The following ZFAT variants were observed in gnomAD, a reference collection of about 807,000 sequenced individuals.
ZFAT encodes the protein zinc finger and AT-hook domain containing.
In ZFAT, 64 loss-of-function variants were observed where a neutral mutation model predicts 117.7. The ratio of observed to expected loss-of-function variants is 0.54; its 90% CI spans 0.44 to 0.67. ZFAT has a LOEUF of 0.67. Ranked by LOEUF, ZFAT falls within the 30% of genes least tolerant of loss-of-function variation. The pLI, the probability that ZFAT is intolerant of heterozygous loss-of-function variation, is 0.00. For synonymous variants in ZFAT, 679 were observed against 615.0 expected (o/e 1.10, Z -1.54); for missense variants, 1,433 against 1,584.5 (o/e 0.90, Z 1.62).
chr8:134,688,709 G>A (rs1168392212), intron 1 of ZFAT, among the ~76,000 whole-genome samples: 1 of 152,134 alleles, frequency 6.6e-6, no homozygotes, highest in Non-Finnish European at 1.5e-5. Context: ...TCCCACACAT[G>A]CCACCTTCGA....
At chr8:134,763,337 G>A in the ZFAT span, among the ~76,000 whole-genome samples, 1 of 152,002 alleles carries the variant, frequency 6.6e-6, no homozygotes, top group Non-Finnish European at 1.5e-5. Flanking sequence ...GTTCTTCTTG[G>A]AACAAGACAA....
chr8:134,721,773 T>TA, the ZFAT span, among the ~76,000 whole-genome samples: 1 of 152,174 alleles, frequency 6.6e-6, no homozygotes, highest in South Asian at 2.1e-4. Flanking sequence ...TCTTGTAACA[T>TA]ACTTGACTTC....
intron 13 of ZFAT, among the ~76,000 whole-genome samples, chr8:134,520,230 A>G (rs1820552589): frequency 6.6e-6 from 1 of 152,186 alleles, no homozygotes; most frequent in African/African-American, 2.4e-5. Flanking sequence ...AGAGGCCAGA[A>G]ATGCAGCTAA....
At chr8:134,720,721 A>G in the ZFAT span, among the ~76,000 whole-genome samples, 1 of 152,246 alleles carries the variant, frequency 6.6e-6, no homozygotes, top group African/African-American at 2.4e-5. Context: ...CCGAAGGCAA[A>G]TACTCTGTTC....
chr8:134,673,513 A>G (rs1224797569), intron 1 of ZFAT: 1 of 214,956 alleles, frequency 4.7e-6, no homozygotes, highest in Non-Finnish European at 1.0e-5. Flanking sequence ...CACTTCAGCC[A>G]TAAACCTTAT....
At chr8:134,799,550 T>C in the ZFAT span, among the ~76,000 whole-genome samples, 1 of 152,206 alleles carries the variant, frequency 6.6e-6, no homozygotes, top group African/African-American at 2.4e-5. Context: ...TTAGCTTATT[T>C]TTAAATTGTT....
chr8:134,661,254 G>A (rs1385527945), intron 1 of ZFAT, among the ~76,000 whole-genome samples: 3 of 152,226 alleles, frequency 2.0e-5, no homozygotes, highest in African/African-American at 7.2e-5. Flanking sequence ...GAGGCAGGAG[G>A]GAGGGAAATG....
chr8:134,511,604 G>A (rs1332533077), intron 14 of ZFAT, among the ~76,000 whole-genome samples: 1 of 152,142 alleles, frequency 6.6e-6, no homozygotes, highest in African/African-American at 2.4e-5. Context: ...TCCTATCACC[G>A]TTTCATTTCA....
chr8:134,797,829 T>TA, the ZFAT span: 1 of 151,802 alleles, frequency 6.6e-6, no homozygotes, highest in African/African-American at 2.4e-5. Flanking sequence ...GAATTAAAAT[T>TA]AAAAAAATAA....
In ZFAT at chr8:134,526,298, GAAC is replaced by G. The variant is rs1563809180; in HGVS notation, c.3116-5300_3116-5298del. The stretch of plus-strand genomic sequence containing the variant: ...CTTTGCCACAGTGACTTTAATTAAA[GAAC>G]AACAAATGAAAATATGTAATCTAGA... On this transcript the variant is annotated intron_variant, in intron 12 of 15. Coordinates refer to ENST00000377838, the MANE Select transcript of ZFAT (RefSeq NM_020863.4). 2.0e-5 allele frequency among the ~76,000 whole-genome samples: 3 copies of G among 152,198 alleles called. No individual in the cohort carries two copies. In the South Asian group the frequency reaches 6.2e-4, roughly 32 times the overall value.
At chr8:134,735,101 T>A in the ZFAT span, among the ~76,000 whole-genome samples, 2 of 152,220 alleles carry the variant, frequency 1.3e-5, no homozygotes, top group African/African-American at 4.8e-5. Context: ...CCAATGTCAC[T>A]GTGAGTTGGG....
chr8:134,717,186 A>G (rs1439587791), upstream of ZFAT, among the ~76,000 whole-genome samples: 1 of 152,230 alleles, frequency 6.6e-6, no homozygotes, highest in East Asian at 1.9e-4. Context: ...AAACTGTGGC[A>G]GAACATCATG....
the ZFAT span, among the ~76,000 whole-genome samples, chr8:134,815,442 C>T: frequency 6.6e-6 from 1 of 152,184 alleles, no homozygotes; most frequent in Non-Finnish European, 1.5e-5. Context: ...ATTTAGTTTG[C>T]TAACGTTTCA....
intron 3 of ZFAT, among the ~76,000 whole-genome samples, chr8:134,625,286 T>C (rs972545715): frequency 6.6e-6 from 1 of 152,220 alleles, no homozygotes; most frequent in African/African-American, 2.4e-5. Context: ...AGGTCACCCA[T>C]GGCGGCCTTA....
chr8:134,811,901 C>G, the ZFAT span, among the ~76,000 whole-genome samples: 1 of 152,060 alleles, frequency 6.6e-6, no homozygotes, highest in South Asian at 2.1e-4. Flanking sequence ...CCTAGCACTT[C>G]GGGAGGCTGA....
intron 13 of ZFAT, among the ~76,000 whole-genome samples, chr8:134,516,757 G>A (rs1261616264): frequency 6.6e-6 from 1 of 151,952 alleles, no homozygotes; most frequent in Non-Finnish European, 1.5e-5. Context: ...ACTGTCTCCT[G>A]AGGTAAGAGA....
chr8:134,706,282 C>T (rs1341131977), intron 1 of ZFAT, among the ~76,000 whole-genome samples: 1 of 152,134 alleles, frequency 6.6e-6, no homozygotes, highest in African/African-American at 2.4e-5. Flanking sequence ...ATCCACGCAA[C>T]AGAAAGAAAC....
chr8:134,813,659 C>T, the ZFAT span, among the ~76,000 whole-genome samples: 1 of 152,182 alleles, frequency 6.6e-6, no homozygotes, highest in African/African-American at 2.4e-5. Context: ...AGTTGATCCA[C>T]CTGCCTCAGC....
chr8:134,648,016 A>G (rs1831000513), intron 2 of ZFAT, among the ~76,000 whole-genome samples: 1 of 152,122 alleles, frequency 6.6e-6, no homozygotes, highest in Non-Finnish European at 1.5e-5. Flanking sequence ...AAAATTTGCT[A>G]AGACATATCT....
Sources: gnomAD v4.1 joint callset for allele counts (sites outside exome capture counted in the v4.1 genomes callset) on GRCh38, gnomAD v4.1.1 for gene constraint, MANE v1.5 for transcripts, NCBI Gene and HGNC (gene_info 2026-07-23, HGNC 2026-07-21) for gene names.